Variants in FLT1 observed in about 807,000 individuals in gnomAD.
FLT1 encodes fms related receptor tyrosine kinase 1.
Under a neutral mutation model 156.3 loss-of-function variants are expected in FLT1, and 49 were observed. The observed-to-expected ratio is 0.31, with a 90% confidence interval of 0.25 to 0.40. The LOEUF (loss-of-function observed/expected upper bound fraction) is 0.40, where lower values mean the gene tolerates loss of function less well. FLT1 is among the 10% of genes least tolerant of loss of function. The probability of loss-of-function intolerance (pLI) is 1.00; values close to 1 mark genes in which losing one functional copy is unlikely to be tolerated. For synonymous variants in FLT1, 594 were observed against 583.8 expected (o/e 1.02, Z -0.25); for missense variants, 1,322 against 1,637.2 (o/e 0.81, Z 3.32).
chr13:28,400,156 T>C (rs1875346260), intron 11 of FLT1, among the ~76,000 whole-genome samples: 1 of 152,198 alleles, frequency 6.6e-6, no homozygotes, highest in Non-Finnish European at 1.5e-5. Flanking sequence ...ATTGGCAAAA[T>C]TCTGTCTACA....
chr13:28,310,277 T>G (rs1251494200), intron 27 of FLT1, among the ~76,000 whole-genome samples: 1 of 152,140 alleles, frequency 6.6e-6, no homozygotes, highest in Non-Finnish European at 1.5e-5. Context: ...CTGTGCCTAC[T>G]GCAAAGAGAG....
intron 19 of FLT1, 119 bp from the exon 20 acceptor site, chr13:28,327,669 G>A (rs1871741081): frequency 5.6e-6 from 4 of 714,996 alleles, no homozygotes. Context: ...TGGGGCGAAG[G>A]GATGCGATTT....
chr13:28,374,199 G>A (rs767175124), intron 14 of FLT1, among the ~76,000 whole-genome samples: 6 of 151,898 alleles, frequency 4.0e-5, no homozygotes, highest in Non-Finnish European at 7.4e-5. Flanking sequence ...TGTGCATTTT[G>A]CCACAATTTA....
chr13:28,398,124 T>C (rs1251165405), intron 11 of FLT1, among the ~76,000 whole-genome samples: 1 of 152,142 alleles, frequency 6.6e-6, no homozygotes, highest in Non-Finnish European at 1.5e-5. Context: ...ATAATCTATA[T>C]GAAAAAAATG....
At chr13:28,389,192 T>C in intron 13 of FLT1, 1 of 1,089,394 alleles carries the variant, frequency 9.2e-7, no homozygotes, top group South Asian at 4.5e-5. Context: ...TATAACTTGC[T>C]ATCCAGGTGC....
chr13:28,443,184 G>A (rs1028867522), intron 3 of FLT1, among the ~76,000 whole-genome samples: 1 of 152,196 alleles, frequency 6.6e-6, no homozygotes, highest in Non-Finnish European at 1.5e-5. Flanking sequence ...AGAATATGAG[G>A]TTTTCTCACC....
intron 3 of FLT1, among the ~76,000 whole-genome samples, chr13:28,447,752 A>G (rs181710472): frequency 1.1e-4 from 17 of 151,770 alleles, no homozygotes; most frequent in African/African-American, 3.4e-4. Context: ...TATGCCTCAA[A>G]TATATTTTTA....
chr13:28,474,389 A>G (rs1304736834), intron 1 of FLT1, among the ~76,000 whole-genome samples: 1 of 151,942 alleles, frequency 6.6e-6, no homozygotes, highest in Non-Finnish European at 1.5e-5. Context: ...CTGGAGGAGG[A>G]GATTTCAGTG....
At chr13:28,334,482 TG>T (rs1294908934) in intron 17 of FLT1, among the ~76,000 whole-genome samples, 7 of 152,244 alleles carry the variant, frequency 4.6e-5, no homozygotes, top group Non-Finnish European at 1.0e-4. Context: ...AAGACTTCCC[TG>T]TGTGGAACCT....
Position 28,319,696 on chromosome 13 carries a change from A to G in FLT1, c.3175-162T>C, listed in dbSNP as rs368850615. On this transcript the variant is annotated intron_variant, in intron 23 of 29. Coordinates refer to ENST00000282397, the MANE Select transcript of FLT1 (RefSeq NM_002019.4). ...AGAGAACACCATAGTATGCAGTGTT[A>G]CGCTAAAAGAGGGAGCTAGAGTGCT... 1.1e-4 allele frequency among the ~76,000 whole-genome samples: 16 copies of G among 152,326 alleles called. No homozygotes were observed. The East Asian group carries it at 3.1e-3, about 29-fold the overall frequency.
intron 25 of FLT1, 25 bp from the exon 26 acceptor site, chr13:28,312,123 A>G: frequency 1.4e-6 from 2 of 1,413,326 alleles, no homozygotes; most frequent in East Asian, 2.3e-5. Context: ...AGCAACAGAA[A>G]TAGTTGGAGA....
At position 28,389,988 on chromosome 13, in the gene FLT1, G is replaced by T. The variant is rs377395740; in HGVS notation, c.1777C>A (p.Arg593=). The T allele has an allele frequency of 2.5e-6, 4 of 1,614,010 alleles. No homozygotes were observed. The highest frequency in any genetic ancestry group is 1.1e-5 in the South Asian group (1 of 91,066). The change falls in exon 13 of 30, where the codon CGG becomes AGG. Residue 593 remains arginine, a synonymous_variant. Transcript: ENST00000282397. ...LYRDVTWILL[R]TVNNRTMHYS... ...TGCATTGTTCTGTTATTAACTGTCC[G>T]CAGTAAAATCCAAGTAACGTCTCTG...
chr13:28,382,361 G>T (rs1874114916), intron 14 of FLT1, among the ~76,000 whole-genome samples: 1 of 152,198 alleles, frequency 6.6e-6, no homozygotes, highest in Non-Finnish European at 1.5e-5. Flanking sequence ...GTTTGGCACT[G>T]CTGGAATATA....
intron 13 of FLT1, chr13:28,386,857 C>A: frequency 9.5e-7 from 1 of 1,049,258 alleles, no homozygotes; most frequent in Non-Finnish European, 1.2e-6. Context: ...AACTCAGACC[C>A]AATTCACTGA....
At chr13:28,327,997 AGT>A (rs1227820110) in intron 19 of FLT1, among the ~76,000 whole-genome samples, 6 of 152,124 alleles carry the variant, frequency 3.9e-5, no homozygotes, top group Non-Finnish European at 7.4e-5. Context: ...TCTCGCCAGC[AGT>A]GTCTGCGCGA....
At chr13:28,338,705 A>G (rs1872213229) in intron 17 of FLT1, among the ~76,000 whole-genome samples, 2 of 152,142 alleles carry the variant, frequency 1.3e-5, no homozygotes, top group Non-Finnish European at 2.9e-5. Context: ...CAACTCTTTC[A>G]CCGAATGTTT....
chr13:28,392,633 T>C (rs1874808118), intron 12 of FLT1, among the ~76,000 whole-genome samples: 1 of 152,212 alleles, frequency 6.6e-6, no homozygotes, highest in Non-Finnish European at 1.5e-5. Flanking sequence ...TGATGGAAGA[T>C]TTTGTTTATC....
At position 28,476,931 on chromosome 13, in the gene FLT1, C is replaced by CA. The variant is rs1465276365; in HGVS notation, c.65-9315dup. ...GTAGCTCTTGGCACAAAAGACATCA[C>CA]AGTGTTAGCCACTGAAGTGGCCAAA... On this transcript the variant is annotated intron_variant, in intron 1 of 29. Coordinates refer to ENST00000282397, the MANE Select transcript of FLT1 (RefSeq NM_002019.4). Among the ~76,000 whole-genome samples, 15 of 152,314 alleles carry CA rather than the reference C, an allele frequency of 9.8e-5. No homozygotes were observed. The East Asian group carries it at 2.9e-3, about 29-fold the overall frequency.
intron 10 of FLT1, among the ~76,000 whole-genome samples, chr13:28,407,098 A>G (rs1483205170): frequency 6.6e-6 from 1 of 152,148 alleles, no homozygotes; most frequent in East Asian, 1.9e-4. Context: ...GCCAACAGCT[A>G]CAGGAGGACA....
Sources: allele counts gnomAD v4.1 joint callset (sites outside exome capture counted in the v4.1 genomes callset), GRCh38; gene constraint gnomAD v4.1.1; transcripts MANE v1.5; gene names NCBI Gene and HGNC (gene_info 2026-07-23, HGNC 2026-07-21).